Variants in MEI4 observed in about 807,000 individuals in gnomAD.
The protein encoded by MEI4 is meiosis-specific protein MEI4.
MEI4 carries 27 observed loss-of-function variants against 31.4 expected under a neutral mutation model. The observed-to-expected ratio is 0.86, with a 90% confidence interval of 0.63 to 1.19. MEI4 has a LOEUF of 1.19. MEI4 is among the 50% of genes most tolerant of loss of function. MEI4 has a pLI of 0.00. For missense variants in MEI4, 329 were observed against 398.9 expected (o/e 0.82, Z 1.49); for synonymous variants, 122 against 145.4 (o/e 0.84, Z 1.16).
At chr6:77,670,877 A>G (rs1054014924) in intron 1 of MEI4, among the ~76,000 whole-genome samples, 2 of 152,088 alleles carry the variant, frequency 1.3e-5, no homozygotes, top group African/African-American at 4.8e-5. Flanking sequence ...ATCTAAGCTC[A>G]ATAGTTTATC....
chr6:77,660,900 C>G (rs35943006), intron 1 of MEI4, among the ~76,000 whole-genome samples: 12,553 of 152,092 alleles, frequency 0.083, 713 homozygotes, highest in East Asian at 0.22. Context: ...AGATTCTTAA[C>G]AAGAACTGAT....
intron 3 of MEI4, among the ~76,000 whole-genome samples, chr6:77,811,187 A>G (rs1469615149): frequency 6.6e-6 from 1 of 152,168 alleles, no homozygotes; most frequent in African/African-American, 2.4e-5. Context: ...AGCATAGACT[A>G]GTATCAGATT....
At chr6:77,874,080 C>T (rs1035106864) in intron 4 of MEI4, among the ~76,000 whole-genome samples, 12 of 152,228 alleles carry the variant, frequency 7.9e-5, no homozygotes, top group East Asian at 3.9e-4. Context: ...ATTGACTTGG[C>T]GATGTGGGCT....
chr6:77,840,204 T>A (rs1053459520), intron 4 of MEI4, among the ~76,000 whole-genome samples: 2 of 152,280 alleles, frequency 1.3e-5, no homozygotes, highest in Non-Finnish European at 2.9e-5. Context: ...CTGAAAAATA[T>A]ACTATCTGAA....
intron 3 of MEI4, among the ~76,000 whole-genome samples, chr6:77,777,811 C>G (rs1209216978): frequency 6.6e-6 from 1 of 151,670 alleles, no homozygotes; most frequent in East Asian, 1.9e-4. Context: ...CATATATTCT[C>G]AGAAAGGTAA....
At chr6:77,669,288 G>A (rs1768694431) in intron 1 of MEI4, among the ~76,000 whole-genome samples, 1 of 152,132 alleles carries the variant, frequency 6.6e-6, no homozygotes, top group Admixed American at 6.5e-5. Flanking sequence ...AAACACAGAT[G>A]AAGATTGTTA....
At position 77,820,587 on chromosome 6, in the gene MEI4, T is replaced by C. The variant is rs59076610; in HGVS notation, c.769-8344T>C. Among the ~76,000 whole-genome samples, 1,394 of 152,188 alleles carry C rather than the reference T, an allele frequency of 9.2e-3. 17 individuals are homozygous for C. Among genetic ancestry groups the C allele is most frequent in the African/African-American group, 0.031 (1,290 of 41,540 alleles). The stretch of plus-strand genomic sequence containing the variant: ...GGCCGGTTTTCTTTTTTAAATCCCT[T>C]TAGTATGGTTCTATCAGTGTTAAAA... On this transcript the variant is annotated intron_variant, in intron 3 of 4. Coordinates refer to ENST00000684080, the MANE Select transcript of MEI4 (RefSeq NM_001322247.2). The surrounding 1 kb of genome is among the most constrained non-coding windows in gnomAD (Gnocchi z 4.5).
upstream of MEI4, among the ~76,000 whole-genome samples, chr6:77,652,131 G>T (rs893607137): frequency 2.6e-5 from 4 of 152,126 alleles, no homozygotes; most frequent in Admixed American, 1.3e-4. Context: ...GGTCACTTAG[G>T]AGCATTGTTG....
intron 4 of MEI4, among the ~76,000 whole-genome samples, chr6:77,906,725 T>C (rs1464027313): frequency 6.6e-6 from 1 of 151,954 alleles, no homozygotes; most frequent in African/African-American, 2.4e-5. Flanking sequence ...GACTCTGGAG[T>C]CTGGGGCAGT....
chr6:77,735,015 G>A (rs1282749096), intron 2 of MEI4, among the ~76,000 whole-genome samples: 1 of 152,046 alleles, frequency 6.6e-6, no homozygotes, highest in Non-Finnish European at 1.5e-5. Context: ...CTGTTAGTCT[G>A]ATGGGCTTCC....
intron 4 of MEI4, among the ~76,000 whole-genome samples, chr6:77,834,551 G>A (rs1041018082): frequency 3.3e-5 from 5 of 151,472 alleles, no homozygotes; most frequent in Admixed American, 2.0e-4. Context: ...CCCCTGATTC[G>A]GCAACGGATG....
chr6:77,795,059 G>T (rs780312473), intron 3 of MEI4, among the ~76,000 whole-genome samples: 5 of 152,108 alleles, frequency 3.3e-5, no homozygotes, highest in African/African-American at 7.2e-5. Flanking sequence ...CCTAGCTTAT[G>T]GGTTGTAGTA....
intron 3 of MEI4, among the ~76,000 whole-genome samples, chr6:77,775,468 A>G (rs1768416548): frequency 1.3e-5 from 2 of 152,282 alleles, no homozygotes; most frequent in Non-Finnish European, 2.9e-5. Context: ...CTTCACTTAG[A>G]ATAATGGTCT....
At chr6:77,668,023 A>T (rs2127644614) in intron 1 of MEI4, among the ~76,000 whole-genome samples, 1 of 151,478 alleles carries the variant, frequency 6.6e-6, no homozygotes, top group African/African-American at 2.4e-5. Context: ...CCGAGACCTG[A>T]CAGTTCAATA....
chr6:77,916,919 C>CG (rs1170668147), intron 4 of MEI4, among the ~76,000 whole-genome samples: 8 of 150,594 alleles, frequency 5.3e-5, no homozygotes, highest in Non-Finnish European at 1.2e-4. Flanking sequence ...TCCCTCCCCC[C>CG]CTACCCCCAC....
rs1034964976 is a variant in MEI4 at position 77,923,135 on chromosome 6, TGTTCTGG to T, written c.955_961del (p.Val319SerfsTer16). 1 of 1,230,572 alleles carries T rather than the reference TGTTCTGG, an allele frequency of 8.1e-7. No individual in the cohort carries two copies. The highest frequency in any genetic ancestry group is 1.6e-5 in the African/African-American group (1 of 64,414). The allele number at this position is 1,230,572 out of a possible 1,614,324, so 76.2% of individuals were successfully genotyped here. On this transcript the variant is annotated frameshift_variant, in exon 5 of 5. Coordinates refer to ENST00000684080, the MANE Select transcript of MEI4 (RefSeq NM_001322247.2). LOFTEE classifies it high-confidence loss of function. The stretch of plus-strand genomic sequence containing the variant: ...TCACGCTATGAAAACATTTTCTACC[TGTTCTGG>T]GTTCTGGAGCAGCTTCTTCAAAAGG...
chr6:77,742,864 T>C (rs548526047), intron 2 of MEI4, among the ~76,000 whole-genome samples: 1 of 152,062 alleles, frequency 6.6e-6, no homozygotes, highest in African/African-American at 2.4e-5. Flanking sequence ...CCAGCACCAT[T>C]TATTAAATAG....
intron 1 of MEI4, among the ~76,000 whole-genome samples, chr6:77,680,115 C>CAAAA (rs1220251759): frequency 7.5e-5 from 3 of 39,770 alleles, no homozygotes; most frequent in East Asian, 1.5e-3. Flanking sequence ...ACTAAAAATA[C>CAAAA]AAAAAAAAAA....
At chr6:77,919,364 A>G (rs567821731) in intron 4 of MEI4, among the ~76,000 whole-genome samples, 233 of 152,240 alleles carry the variant, frequency 1.5e-3, no homozygotes, top group African/African-American at 5.5e-3. Flanking sequence ...CCGCTCAACT[A>G]CATGGAAACT....
Sources: gnomAD v4.1 joint callset for allele counts (sites outside exome capture counted in the v4.1 genomes callset) on GRCh38, gnomAD v4.1.1 for gene constraint, Gnocchi (gnomAD v3.1) non-coding constraint, MANE v1.5 for transcripts, NCBI Gene and HGNC (gene_info 2026-07-23, HGNC 2026-07-21) for gene names.